TNXB: variants seen among roughly 807,000 people sequenced by gnomAD.
TNXB encodes the protein tenascin XB, also known as tenascin-X.
A neutral mutation model predicts 340.5 loss-of-function variants in TNXB; 183 were observed. That is an observed-to-expected ratio of 0.54 (90% confidence interval 0.48 to 0.61). TNXB has a LOEUF of 0.61. Ranked by LOEUF, TNXB falls within the 20% of genes least tolerant of loss-of-function variation. TNXB has a pLI of 0.00. For synonymous variants in TNXB, 2,121 were observed against 2,314.5 expected, an observed-to-expected ratio of 0.92 and a Z score of 2.40; for missense variants, 4,613 against 5,446.4, an observed-to-expected ratio of 0.85 and a Z score of 4.82.
Position 32,049,385 on chromosome 6 carries a change from G to C in TNXB, c.9642C>G (p.Gly3214=). Residue 3214 remains glycine, a synonymous_variant, in exon 28 of 44, where the codon GGC becomes GGG. Transcript: ENST00000644971. The surrounding 1 kb of genome is among the most constrained non-coding windows in gnomAD (Gnocchi z 4.5). ...DGQPQVVRVR[G]EESEVTVGGL... ...CCCCCACGGTGACCTCGCTCTCCTC[G>C]CCCCTGACACGCACCACCTGGGGCT... The C allele has an allele frequency of 1.2e-6, 2 of 1,612,508 alleles. No homozygotes were observed. Among genetic ancestry groups the C allele is most frequent in the Non-Finnish European group, 1.7e-6 (2 of 1,179,860 alleles).
Position 32,051,587 on chromosome 6 carries a change from G to C in TNXB, c.9115+1083C>G, listed in dbSNP as rs1393398849. Among the ~76,000 whole-genome samples, 1 of 152,058 alleles carries C rather than the reference G, an allele frequency of 6.6e-6. No homozygotes were observed. Among genetic ancestry groups the C allele is most frequent in the Admixed American group, 6.6e-5 (1 of 15,254 alleles). On this transcript the variant is annotated intron_variant, in intron 26 of 43. Coordinates refer to ENST00000644971, the MANE Select transcript of TNXB (RefSeq NM_001365276.2). The surrounding 1 kb of genome is among the most constrained non-coding windows in gnomAD (Gnocchi z 4.7). Reference sequence around the variant, plus strand: ...AAAGTGTGGTCTGTATGTGTAAAACGAAACATTATTCAGCCTGAAAAGGAA... The same window carrying C: ...AAAGTGTGGTCTGTATGTGTAAAACCAAACATTATTCAGCCTGAAAAGGAA...
At position 32,084,777 on chromosome 6, in the gene TNXB, T is replaced by C; in HGVS notation, c.3149-68A>G. On this transcript the variant is annotated intron_variant, in intron 7 of 43. Coordinates refer to ENST00000644971, the MANE Select transcript of TNXB (RefSeq NM_001365276.2). This position sits in a 1 kb window ranked among gnomAD's most constrained non-coding sequence, Gnocchi z 5.5. ...GTTCTCTTGTCTGTGTCTCCTTCCC[T>C]CTCCCCTGCCCACCTCACTCCATCC... 1 of 1,397,064 alleles carries C rather than the reference T, an allele frequency of 7.2e-7. No homozygotes were observed. Among genetic ancestry groups the C allele is most frequent in the South Asian group, 1.5e-5 (1 of 64,870 alleles). The allele number at this position is 1,397,064 out of a possible 1,614,324, so 86.5% of individuals were successfully genotyped here. A position where few individuals can be genotyped will look rare whatever the true frequency, so the allele number is the denominator to read the frequency against.
At position 32,108,163 on chromosome 6, in the gene TNXB, G is replaced by T. The variant is rs1258577000; in HGVS notation, c.-9+1018C>A. Among the ~76,000 whole-genome samples the T allele has an allele frequency of 6.6e-6, 1 of 152,090 alleles. No homozygotes were observed. The highest frequency in any genetic ancestry group is 2.1e-4 in the South Asian group (1 of 4,834). ...GGGTCCCCAGGGACTTGAAGGCAGG[G>T]TCAGGGAAAAGAGGAGGGGCTGGAG... On this transcript the variant is annotated intron_variant, in intron 1 of 43. Transcript: ENST00000644971. This position sits in a 1 kb window ranked among gnomAD's most constrained non-coding sequence, Gnocchi z 4.8.
In TNXB at chr6:32,096,927, C is replaced by G; in HGVS notation, c.926G>C (p.Arg309Thr). The stretch of plus-strand genomic sequence containing the variant: ...CTGGCTGCAGCCCCGAGGGCAGCTC[C>G]TCACCCCACAGTCCTCGCCAGTGTA... ...PGYTGEDCGV[R>T]SCPRGCSQRG... The change falls in exon 3 of 44, where the codon AGG becomes ACG. Residue 309 changes from arginine to threonine, a missense_variant. This residue lies in a region of TNXB where 4,327 missense variants were observed against 4,859.4 expected (regional missense o/e 0.89). Transcript: ENST00000644971. 6.3e-7 allele frequency: 1 copy of G among 1,580,958 alleles called. No homozygotes were observed. The highest frequency in any genetic ancestry group is 1.7e-4 in the Middle Eastern group (1 of 6,050).
In TNXB at chr6:32,043,730, G is replaced by T; in HGVS notation, c.11530+19C>A. ...TTTCTTGGCTCCCACCTCTTGCCCCGGGTCCCAGTCCATCTCACCCGTGGT... is the reference window on the plus strand; with the variant it reads ...TTTCTTGGCTCCCACCTCTTGCCCCTGGTCCCAGTCCATCTCACCCGTGGT... On this transcript the variant is annotated intron_variant, in intron 35 of 43. Transcript: ENST00000644971. 1.9e-6 allele frequency: 3 copies of T among 1,613,426 alleles called. No homozygotes were observed. Among genetic ancestry groups the T allele is most frequent in the Middle Eastern group, 1.6e-4 (1 of 6,062 alleles).
Position 32,049,622 on chromosome 6 carries a change from GA to G in TNXB, c.9440-36del. On this transcript the variant is annotated intron_variant, in intron 27 of 43. Coordinates refer to ENST00000644971, the MANE Select transcript of TNXB (RefSeq NM_001365276.2). This position sits in a 1 kb window ranked among gnomAD's most constrained non-coding sequence, Gnocchi z 4.5. ...AGAAGGAGGGAGAGAGAGTGAGGGG[GA>G]TGTCCTTGGGTCCTGGGGAAAAGGA... 6.3e-7 allele frequency: 1 copy of G among 1,594,912 alleles called. No homozygotes were observed. Among genetic ancestry groups the G allele is most frequent in the Non-Finnish European group, 8.6e-7 (1 of 1,168,038 alleles).
chr6:32,073,122 G>A lies in TNXB; in HGVS notation c.4681+525C>T, dbSNP rs1640348905. Among the ~76,000 whole-genome samples, 1 of 152,174 alleles carries A rather than the reference G, an allele frequency of 6.6e-6. No homozygotes were observed. The highest frequency in any genetic ancestry group is 2.1e-4 in the South Asian group (1 of 4,824). ...GAACCTGTGCCCAGGAAGCCATGAG[G>A]GGCAGGAAGGAGCCCAGAGCAAGAG... is the stretch of plus-strand genomic sequence containing the variant. On this transcript the variant is annotated intron_variant, in intron 12 of 43. Coordinates refer to ENST00000644971, the MANE Select transcript of TNXB (RefSeq NM_001365276.2). This position sits in a 1 kb window ranked among gnomAD's most constrained non-coding sequence, Gnocchi z 4.6.
Position 32,097,457 on chromosome 6 carries a change from A to G in TNXB, c.404-8T>C. On this transcript the variant is annotated splice_region_variant and splice_polypyrimidine_tract_variant and intron_variant, in intron 2 of 43. Coordinates refer to ENST00000644971, the MANE Select transcript of TNXB (RefSeq NM_001365276.2). This position sits in a 1 kb window ranked among gnomAD's most constrained non-coding sequence, Gnocchi z 5.9. ...TCCGCACATCTGTCTGACCTGGAGT[A>G]GGAGGGGAGAGGCAAGTCTCAGTCT... 2 of 1,581,758 alleles carry G rather than the reference A, an allele frequency of 1.3e-6. No homozygotes were observed. Among genetic ancestry groups the G allele is most frequent in the Non-Finnish European group, 1.7e-6 (2 of 1,166,646 alleles).
At chr6:32,095,254 C>T in intron 3 of TNXB, 63 bp from the exon 4 acceptor site, 1 of 1,280,006 alleles carries the variant, frequency 7.8e-7, no homozygotes, top group South Asian at 1.3e-5. Flanking sequence ...CACCCACAGC[C>T]CCTTTTACTC....
chr6:32,091,754 A>G (rs1780085761), intron 4 of TNXB, among the ~76,000 whole-genome samples: 1 of 152,102 alleles, frequency 6.6e-6, no homozygotes, highest in African/African-American at 2.4e-5. Flanking sequence ...GATTACAGGC[A>G]TGAGCCACTG....
In TNXB at chr6:32,069,108, G is replaced by A; in HGVS notation, c.5616C>T (p.Thr1872=). 1 of 1,610,356 alleles carries A rather than the reference G, an allele frequency of 6.2e-7. No individual in the cohort carries two copies. The highest frequency in any genetic ancestry group is 8.5e-7 in the Non-Finnish European group (1 of 1,179,150). The part of the protein sequence containing the change: ...TAGREETETE[T]TAPTPPAPEP... ...CAGGCGCTGGAGGGGTCGGGGCCGT[G>A]GTCTCAGTTTCCGTTTCTTCCCTGC... is the stretch of plus-strand genomic sequence containing the variant. Residue 1872 remains threonine, a synonymous_variant, in exon 16 of 44, where the codon ACC becomes ACT. Transcript: ENST00000644971. The surrounding 1 kb of genome is among the most constrained non-coding windows in gnomAD (Gnocchi z 6.2).
In TNXB at chr6:32,089,297, T is replaced by A. The variant is rs954331287; in HGVS notation, c.2441A>T (p.Gln814Leu). ...AYDQRGLAPG[Q>L]EYQVTVRALR... The stretch of plus-strand genomic sequence containing the variant: ...GGCTCGGACAGTGACCTGGTACTCC[T>A]GTCCAGGGGCCAGTCCTCTCTGGTC... Residue 814 changes from glutamine (Q) to leucine (L), a missense_variant, in exon 5 of 44, where the codon CAG becomes CTG. Physicochemically the swap from Gln to Leu is moderately radical, Grantham distance 113. Transcript: ENST00000644971. The surrounding 1 kb of genome is among the most constrained non-coding windows in gnomAD (Gnocchi z 6.2). 1.2e-6 allele frequency: 2 copies of A among 1,607,968 alleles called. No homozygotes were observed.
rs1164895419 is a variant in TNXB at position 32,065,122 on chromosome 6, G to A, written c.6545-5C>T. 1.9e-6 allele frequency: 3 copies of A among 1,553,122 alleles called. No individual in the cohort carries two copies. The highest frequency in any genetic ancestry group is 1.7e-6 in the Non-Finnish European group (2 of 1,147,306). ...CAGGGGACTCCTCTTCGGGGGCTAGGAAGAGATAGAAACAGAATCTTTTCT... is the reference window on the plus strand; with the variant it reads ...CAGGGGACTCCTCTTCGGGGGCTAGAAAGAGATAGAAACAGAATCTTTTCT... On this transcript the variant is annotated splice_polypyrimidine_tract_variant and splice_region_variant and intron_variant, in intron 18 of 43. Coordinates refer to ENST00000644971, the MANE Select transcript of TNXB (RefSeq NM_001365276.2).
chr6:32,042,332 C>G lies in TNXB; in HGVS notation c.12241G>C (p.Asp4081His). Reference protein sequence around the residue: ...VFQRRMDGQTDFWRDWEDYAH... With the variant: ...VFQRRMDGQTHFWRDWEDYAH... ...TAGTCCTCCCAGTCCCTCCAGAAGT[C>G]TGTCTGTCCATCCATGCGGCGCTGG... is the stretch of plus-strand genomic sequence containing the variant. Residue 4081 changes from aspartate to histidine, a missense_variant, in exon 41 of 44, where the codon GAC (aspartate) becomes CAC (histidine). Physicochemically the swap from Asp to His is moderately conservative, Grantham distance 81 (BLOSUM62 -1). This residue lies in a region of TNXB where 121 missense variants were observed against 177.4 expected (regional missense o/e 0.68). Coordinates refer to ENST00000644971, the MANE Select transcript of TNXB (RefSeq NM_001365276.2). 2 of 1,524,918 alleles carry G rather than the reference C, an allele frequency of 1.3e-6. No homozygotes were observed. The highest frequency in any genetic ancestry group is 1.8e-6 in the Non-Finnish European group (2 of 1,107,346). 94.5% of individuals were successfully genotyped at this position (1,524,918 alleles called of 1,614,324 possible).
chr6:32,055,804 G>A, intron 24 of TNXB, 47 bp downstream of exon 24: 1 of 1,571,200 alleles, frequency 6.4e-7, no homozygotes, highest in Non-Finnish European at 8.7e-7. Context: ...AAGTTGCAGA[G>A]AAAGCAACAT....
At chr6:32,057,385 C>A (rs938560424) in intron 22 of TNXB, among the ~76,000 whole-genome samples, 8 of 152,200 alleles carry the variant, frequency 5.3e-5, no homozygotes, top group Admixed American at 1.3e-4. Flanking sequence ...TCCTACCCCA[C>A]CTCCAGTCCC....
In TNXB at chr6:32,049,374, T is replaced by G; in HGVS notation, c.9653A>C (p.Glu3218Ala). 1 of 1,612,420 alleles carries G rather than the reference T, an allele frequency of 6.2e-7. No homozygotes were observed. The highest frequency in any genetic ancestry group is 8.5e-7 in the Non-Finnish European group (1 of 1,179,838). The change falls in exon 28 of 44, where the codon GAG (glutamate) becomes GCG (alanine). Residue 3218 changes from glutamate (E) to alanine (A), a missense_variant. Around this residue, in one of 7 missense-constraint regions of TNXB, gnomAD observed 4,327 missense variants for 4,859.4 expected, o/e 0.89. Coordinates refer to ENST00000644971, the MANE Select transcript of TNXB (RefSeq NM_001365276.2). The surrounding 1 kb of genome is among the most constrained non-coding windows in gnomAD (Gnocchi z 4.5). ...QVVRVRGEESEVTVGGLEPGR... is the reference protein window; with the variant it reads ...QVVRVRGEESAVTVGGLEPGR... ...GGGCTCCAGGCCCCCCACGGTGACC[T>G]CGCTCTCCTCGCCCCTGACACGCAC...
At chr6:32,048,793 A>AGCAAT (rs745437747) in intron 28 of TNXB, 143 bp from the exon 29 acceptor site, 1 of 869,002 alleles carries the variant, frequency 1.2e-6, no homozygotes, top group Non-Finnish European at 1.6e-6. Context: ...CATTGCTGTA[A>AGCAAT]GCAGCTCACA....
Position 32,072,054 on chromosome 6 carries a change from C to T in TNXB, c.4926G>A (p.Lys1642=), listed in dbSNP as rs764100849. The part of the protein sequence containing the change: ...IPDLEPSRKY[K]FLLFGIQDGK... ...CATCCTGGATCCCAAAGAGCAGGAA[C>T]TTGTACTTGCGGGAGGGTTCCAGGT... Residue 1642 remains lysine, a synonymous_variant, in exon 13 of 44, where the codon AAG becomes AAA. Coordinates refer to ENST00000644971, the MANE Select transcript of TNXB (RefSeq NM_001365276.2). This position sits in a 1 kb window ranked among gnomAD's most constrained non-coding sequence, Gnocchi z 4.4. 5.6e-6 allele frequency: 9 copies of T among 1,612,328 alleles called. No individual in the cohort carries two copies. In the African/African-American group the frequency reaches 6.7e-5, roughly 12 times the overall value.
Sources: allele counts gnomAD v4.1 joint callset (sites outside exome capture counted in the v4.1 genomes callset), GRCh38; gene constraint gnomAD v4.1.1; regional missense constraint gnomAD v4.1.1; non-coding constraint Gnocchi (gnomAD v3.1); transcripts MANE v1.5; gene names NCBI Gene and HGNC (gene_info 2026-07-23, HGNC 2026-07-21).